Variants in KLHL2 observed in about 807,000 individuals in gnomAD.
KLHL2 encodes kelch-like protein 2.
In KLHL2, 15 loss-of-function variants were observed where a neutral mutation model predicts 75.8. The observed-to-expected ratio is 0.20, with a 90% CI of 0.13 to 0.30. The LOEUF (loss-of-function observed/expected upper bound fraction) is 0.30. Ranked by LOEUF, KLHL2 falls within the 10% of genes least tolerant of loss-of-function variation. The pLI is 1.00. For missense variants in KLHL2, 381 were observed against 741.0 expected (o/e 0.51, Z 5.64); for synonymous variants, 214 against 251.9 (o/e 0.85, Z 1.42).
Position 165,281,779 on chromosome 4 carries a change from A to G in KLHL2, c.545-12580A>G, listed in dbSNP as rs185706395. 7.4e-4 allele frequency among the ~76,000 whole-genome samples: 113 copies of G among 152,350 alleles called. 1 individual carries two copies. In the East Asian group the frequency reaches 0.013, roughly 17 times the overall value. On this transcript the variant is annotated intron_variant, in intron 5 of 14. Transcript: ENST00000226725. Reference sequence around the variant, plus strand: ...GGAATGGAATGTATATTCCACATACATATATGGAAGGATTCATATGTATAT... The same window carrying G: ...GGAATGGAATGTATATTCCACATACGTATATGGAAGGATTCATATGTATAT...
intron 5 of KLHL2, chr4:165,278,507 A>G: frequency 6.2e-7 from 1 of 1,603,588 alleles, no homozygotes. Flanking sequence ...GAGTCCACAG[A>G]TTATCCCTCT....
intron 2 of KLHL2, among the ~76,000 whole-genome samples, chr4:165,222,867 A>G (rs1349856053): frequency 6.6e-6 from 1 of 152,256 alleles, no homozygotes; most frequent in African/African-American, 2.4e-5. Flanking sequence ...TCAAAGTGGT[A>G]GAGCAACAGC....
chr4:165,235,754 G>C (rs1023588842), intron 3 of KLHL2, among the ~76,000 whole-genome samples: 11 of 152,138 alleles, frequency 7.2e-5, no homozygotes, highest in Admixed American at 7.2e-4. Context: ...AACAGATAAG[G>C]CTACCTAGAG....
chr4:165,255,488 A>G lies in KLHL2; in HGVS notation c.382-7709A>G, dbSNP rs186030414. Among the ~76,000 whole-genome samples the G allele has an allele frequency of 3.9e-5, 6 of 152,068 alleles. No homozygotes were observed. The East Asian group carries it at 1.2e-3, about 29-fold the overall frequency. On this transcript the variant is annotated intron_variant, in intron 4 of 14. Transcript: ENST00000226725. The stretch of plus-strand genomic sequence containing the variant: ...AGGCAGGCGAGGTTGCATGTGGGGT[A>G]CAGGAAAGGAGGAGGAAGAAAGTTT...
intron 4 of KLHL2, among the ~76,000 whole-genome samples, chr4:165,239,399 T>C (rs1051647869): frequency 6.6e-6 from 1 of 152,048 alleles, no homozygotes; most frequent in Non-Finnish European, 1.5e-5. Flanking sequence ...GCTACTTGGC[T>C]GGGACTACAG....
At chr4:165,311,973 G>T (rs552166647) in intron 11 of KLHL2, among the ~76,000 whole-genome samples, 1 of 152,024 alleles carries the variant, frequency 6.6e-6, no homozygotes, top group African/African-American at 2.4e-5. Context: ...CATGGACAGG[G>T]GTGGGTTGGG....
At chr4:165,259,601 T>C (rs1270304836) in intron 4 of KLHL2, among the ~76,000 whole-genome samples, 1 of 152,218 alleles carries the variant, frequency 6.6e-6, no homozygotes, top group East Asian at 1.9e-4. Flanking sequence ...AATGAGATAT[T>C]ATTGTCTGGC....
intron 10 of KLHL2, among the ~76,000 whole-genome samples, chr4:165,311,089 C>G (rs745312551): frequency 1.3e-5 from 2 of 152,084 alleles, no homozygotes; most frequent in African/African-American, 2.4e-5. Flanking sequence ...AATCTCCTGA[C>G]TTTGTGATCC....
intron 5 of KLHL2, among the ~76,000 whole-genome samples, chr4:165,280,851 T>G (rs1444439128): frequency 6.6e-6 from 1 of 152,256 alleles, no homozygotes. Context: ...ATAGAACTTC[T>G]GGAGACATAC....
At chr4:165,257,104 A>G (rs1388118233) in intron 4 of KLHL2, among the ~76,000 whole-genome samples, 2 of 152,214 alleles carry the variant, frequency 1.3e-5, no homozygotes, top group Non-Finnish European at 2.9e-5. Flanking sequence ...TTAGCTAAGT[A>G]TATTCACATT....
chr4:165,225,301 A>T (rs761126848), intron 2 of KLHL2, among the ~76,000 whole-genome samples: 2 of 152,190 alleles, frequency 1.3e-5, no homozygotes, highest in African/African-American at 4.8e-5. Context: ...CCCATCTTAA[A>T]GTCATGGGTT....
intron 5 of KLHL2, among the ~76,000 whole-genome samples, chr4:165,284,601 T>C (rs1326756577): frequency 6.6e-6 from 1 of 152,216 alleles, no homozygotes; most frequent in Non-Finnish European, 1.5e-5. Context: ...TTCTAAACTT[T>C]CTCACATTTT....
At chr4:165,231,225 A>T (rs1738859559) in intron 3 of KLHL2, among the ~76,000 whole-genome samples, 3 of 152,138 alleles carry the variant, frequency 2.0e-5, no homozygotes, top group African/African-American at 7.2e-5. Context: ...AGGCTGAGGC[A>T]GGTGGATTGC....
At chr4:165,245,276 C>G (rs1051311300) in intron 4 of KLHL2, among the ~76,000 whole-genome samples, 38 of 152,118 alleles carry the variant, frequency 2.5e-4, no homozygotes, top group Non-Finnish European at 2.6e-4. Flanking sequence ...AGGTGAGTTA[C>G]AGATTCAGGT....
intron 3 of KLHL2, among the ~76,000 whole-genome samples, chr4:165,229,355 T>C (rs1256670432): frequency 6.6e-6 from 1 of 152,266 alleles, no homozygotes; most frequent in Non-Finnish European, 1.5e-5. Flanking sequence ...CATGTTCTAC[T>C]TTGGCAACTG....
intron 5 of KLHL2, chr4:165,279,766 A>G: frequency 5.1e-6 from 4 of 783,854 alleles, no homozygotes; most frequent in Non-Finnish European, 9.1e-6. Flanking sequence ...AACTAGCCTC[A>G]CTTCTTTACT....
chr4:165,314,186 T>G lies in KLHL2; in HGVS notation c.1609+20T>G. ...ATGCAGGTATCTGTCAGTTTAAGGTTATAAAACTTATGTTGAATTTTATTT... is the reference window on the plus strand; with the variant it reads ...ATGCAGGTATCTGTCAGTTTAAGGTGATAAAACTTATGTTGAATTTTATTT... On this transcript the variant is annotated intron_variant, in intron 13 of 14. Coordinates refer to ENST00000226725, the MANE Select transcript of KLHL2 (RefSeq NM_007246.4). 6.3e-7 allele frequency: 1 copy of G among 1,597,654 alleles called. No homozygotes were observed. Among genetic ancestry groups the G allele is most frequent in the Non-Finnish European group, 8.5e-7 (1 of 1,170,884 alleles).
chr4:165,274,169 G>A lies in KLHL2; in HGVS notation c.544+10810G>A, dbSNP rs566780561. On this transcript the variant is annotated intron_variant, in intron 5 of 14. Transcript: ENST00000226725. ...AAAGAAGGAAGGGAAGAAATAAATA[G>A]CAATAGATGACTCAATACATACATA... Among the ~76,000 whole-genome samples the A allele has an allele frequency of 1.1e-4, 17 of 152,244 alleles. No homozygotes were observed. In the South Asian group the frequency reaches 1.7e-3, roughly 15 times the overall value.
chr4:165,313,993 T>C (rs1746413274), intron 12 of KLHL2, 33 bp from the exon 13 acceptor site: 2 of 1,592,816 alleles, frequency 1.3e-6, no homozygotes. Flanking sequence ...CTTGTTCTTT[T>C]TGCCCCTCTA....
Sources: gnomAD v4.1 joint callset for allele counts (sites outside exome capture counted in the v4.1 genomes callset) on GRCh38, gnomAD v4.1.1 for gene constraint, MANE v1.5 for transcripts, NCBI Gene and HGNC (gene_info 2026-07-23, HGNC 2026-07-21) for gene names.